Variants in PRAG1 observed in about 807,000 individuals in gnomAD.
PRAG1 encodes PEAK1 related, kinase-activating pseudokinase 1, also known as inactive tyrosine-protein kinase PRAG1.
In PRAG1, 110 loss-of-function variants were observed where a neutral mutation model predicts 95.6. The ratio of observed to expected loss-of-function variants is 1.15; its 90% CI spans 0.99 to 1.35. The LOEUF is 1.35. Ranked by LOEUF, PRAG1 falls within the 40% of genes most tolerant of loss-of-function variation. PRAG1 has a pLI of 0.00. For missense variants in PRAG1, 2,554 were observed against 1,864.7 expected (o/e 1.37, Z -6.81); for synonymous variants, 1,052 against 819.4 (o/e 1.28, Z -4.85).
intron 3 of PRAG1, among the ~76,000 whole-genome samples, chr8:8,348,073 C>T (rs927912969): frequency 4.6e-5 from 7 of 152,210 alleles, no homozygotes; most frequent in African/African-American, 1.4e-4. Context: ...CATGCCACCA[C>T]ACCCGGTTAA....
chr8:8,349,134 CA>C (rs920272913), intron 3 of PRAG1, among the ~76,000 whole-genome samples: 1 of 152,138 alleles, frequency 6.6e-6, no homozygotes, highest in African/African-American at 2.4e-5. Flanking sequence ...GCCATTAGTA[CA>C]AAATACACCT....
intron 4 of PRAG1, among the ~76,000 whole-genome samples, chr8:8,329,082 A>T (rs1798739596): frequency 2.0e-5 from 3 of 152,172 alleles, no homozygotes; most frequent in Admixed American, 1.3e-4. Flanking sequence ...TAGAGGGTGT[A>T]ACTGGCCAAT....
Position 8,377,452 on chromosome 8 carries a change from G to T in PRAG1, c.957C>A (p.His319Gln). ...GTTTCTTGGGGCCCAGGCAGGATGG[G>T]TGGGCAGTGGGGCCCTGGCTACAGC... Reference protein sequence around the residue: ...KECCSQGPTAHPSCLGPKKLS... With the variant: ...KECCSQGPTAQPSCLGPKKLS... Residue 319 changes from histidine (H) to glutamine (Q), a missense_variant, in exon 3 of 6, where the codon CAC (histidine) becomes CAA (glutamine). Physicochemically the swap from His to Gln is conservative, Grantham distance 24 (BLOSUM62 0). Coordinates refer to ENST00000615670, the MANE Select transcript of PRAG1 (RefSeq NM_001080826.3). 1 of 1,552,202 alleles carries T rather than the reference G, an allele frequency of 6.4e-7. No individual in the cohort carries two copies. The highest frequency in any genetic ancestry group is 8.7e-7 in the Non-Finnish European group (1 of 1,150,226).
chr8:8,386,271 G>T (rs1243110341), intron 1 of PRAG1, 50 bp downstream of exon 1: 1 of 152,136 alleles, frequency 6.6e-6, no homozygotes, highest in African/African-American at 2.4e-5. Flanking sequence ...CTGCGACCAC[G>T]CTCGCCAGAC....
In PRAG1 at chr8:8,342,351, A is replaced by G. The variant is rs1270113721; in HGVS notation, c.2163-2716T>C. 2.0e-5 allele frequency among the ~76,000 whole-genome samples: 3 copies of G among 151,090 alleles called. No individual in the cohort carries two copies. In the East Asian group the frequency reaches 6.0e-4, roughly 30 times the overall value. On this transcript the variant is annotated intron_variant, in intron 3 of 5. Coordinates refer to ENST00000615670, the MANE Select transcript of PRAG1 (RefSeq NM_001080826.3). Reference sequence around the variant, plus strand: ...GGGACTACAGGAGGCGCCCACCACCACGCCCCGCTAATTTTTTTGTATTTT... The same window carrying G: ...GGGACTACAGGAGGCGCCCACCACCGCGCCCCGCTAATTTTTTTGTATTTT...
intron 3 of PRAG1, among the ~76,000 whole-genome samples, chr8:8,369,201 T>C (rs909894174): frequency 7.9e-5 from 12 of 152,168 alleles, no homozygotes; most frequent in African/African-American, 2.9e-4. Flanking sequence ...TTTTTTTTTT[T>C]TTTAAGAAAA....
At chr8:8,374,026 T>A (rs1254195637) in intron 3 of PRAG1, among the ~76,000 whole-genome samples, 2 of 152,184 alleles carry the variant, frequency 1.3e-5, no homozygotes. Context: ...GTTCCTGGGA[T>A]TGAGCCATGC....
At chr8:8,322,283 C>T (rs886066742) in intron 5 of PRAG1, among the ~76,000 whole-genome samples, 9 of 152,162 alleles carry the variant, frequency 5.9e-5, no homozygotes, top group South Asian at 2.1e-4. Context: ...CGGGTTCAAG[C>T]GATTCTTCTG....
chr8:8,320,124 A>G (rs909716341), intron 5 of PRAG1, among the ~76,000 whole-genome samples: 1 of 152,218 alleles, frequency 6.6e-6, no homozygotes, highest in Non-Finnish European at 1.5e-5. Context: ...TATTGGTAGG[A>G]AGACATCCCT....
At position 8,328,361 on chromosome 8, in the gene PRAG1, A is replaced by C. The variant is rs1471069050; in HGVS notation, c.2421T>G (p.Ser807Arg). The C allele has an allele frequency of 6.2e-7, 1 of 1,613,076 alleles. No homozygotes were observed. Among genetic ancestry groups the C allele is most frequent in the African/African-American group, 1.3e-5 (1 of 74,774 alleles). ...GGAGTGGAGGGGGCTGCTGGGGGCC[A>C]CTGGGGGACACGTCCTCAGTGGAGC... ...PSGSTEDVSP[S>R]GPQQPPPLPQ... The change falls in exon 5 of 6, where the codon AGT becomes AGG. Residue 807 changes from serine (S) to arginine (R), a missense_variant. By Grantham distance (110) the Ser-to-Arg change is moderately radical. Transcript: ENST00000615670.
intron 3 of PRAG1, among the ~76,000 whole-genome samples, chr8:8,352,799 G>T (rs1269865601): frequency 6.6e-6 from 1 of 152,060 alleles, no homozygotes; most frequent in Non-Finnish European, 1.5e-5. Context: ...TTTGAATAAA[G>T]ATTTTGTACT....
rs1184642528 is a variant in PRAG1 at position 8,339,530 on chromosome 8, G to A, written c.2268C>T (p.Thr756=). ...PSFRGVHVSF[T]TGSTDSLASD... ...AGGCCAGGCTGTCCGTGGAGCCGGT[G>A]GTGAAGCTGACGTGGACACCCCTGA... is the stretch of plus-strand genomic sequence containing the variant. Residue 756 remains threonine (T), a synonymous_variant, in exon 4 of 6, where the codon ACC becomes ACT. Coordinates refer to ENST00000615670, the MANE Select transcript of PRAG1 (RefSeq NM_001080826.3). 6.2e-7 allele frequency: 1 copy of A among 1,614,186 alleles called. No homozygotes were observed. Among genetic ancestry groups the A allele is most frequent in the Admixed American group, 1.7e-5 (1 of 60,030 alleles).
chr8:8,325,632 G>A (rs950321247), intron 5 of PRAG1, among the ~76,000 whole-genome samples: 7 of 152,090 alleles, frequency 4.6e-5, no homozygotes, highest in African/African-American at 1.7e-4. Context: ...AAACTGTGGC[G>A]GGGCACGGTG....
chr8:8,360,014 G>T (rs966501681), intron 3 of PRAG1, among the ~76,000 whole-genome samples: 6 of 152,086 alleles, frequency 3.9e-5, no homozygotes, highest in African/African-American at 1.4e-4. Flanking sequence ...TGAGGAACGA[G>T]CTAAATCAGC....
At chr8:8,344,209 T>C (rs1017495998) in intron 3 of PRAG1, among the ~76,000 whole-genome samples, 2 of 152,132 alleles carry the variant, frequency 1.3e-5, no homozygotes, top group African/African-American at 4.8e-5. Flanking sequence ...AAATAGCAAA[T>C]AACCTTCTAA....
chr8:8,364,853 T>C (rs1290565845), intron 3 of PRAG1, among the ~76,000 whole-genome samples: 2 of 152,196 alleles, frequency 1.3e-5, no homozygotes, highest in African/African-American at 2.4e-5. Flanking sequence ...CTATTCTACA[T>C]GCAAAGTACT....
Position 8,376,580 on chromosome 8 carries a change from G to A in PRAG1, c.1829C>T (p.Ser610Phe). 6.2e-7 allele frequency: 1 copy of A among 1,607,104 alleles called. No individual in the cohort carries two copies. Among genetic ancestry groups the A allele is most frequent in the South Asian group, 1.1e-5 (1 of 90,262 alleles). The change falls in exon 3 of 6, where the codon TCC becomes TTC. Residue 610 changes from serine (S) to phenylalanine (F), a missense_variant. By Grantham distance (155) the Ser-to-Phe change is radical. Transcript: ENST00000615670. ...CGAGGCGGCAGGCTGGGGACACCTG[G>A]ATGGGTCACTGATAGCGACACCGTT... is the stretch of plus-strand genomic sequence containing the variant. ...RTNGVAISDP[S>F]RCPQPAASSA...
chr8:8,374,571 G>T, intron 3 of PRAG1: 2 of 819,260 alleles, frequency 2.4e-6, no homozygotes, highest in Non-Finnish European at 2.9e-6. Flanking sequence ...CTGTTCTGAG[G>T]ATGAAATGAG....
chr8:8,367,788 C>T (rs552613662), intron 3 of PRAG1, among the ~76,000 whole-genome samples: 4 of 152,056 alleles, frequency 2.6e-5, no homozygotes, highest in East Asian at 2.0e-4. Context: ...ATTACAGGTG[C>T]GTGCCACCAT....
Sources: gnomAD v4.1 joint callset for allele counts (sites outside exome capture counted in the v4.1 genomes callset) on GRCh38, gnomAD v4.1.1 for gene constraint, MANE v1.5 for transcripts, NCBI Gene and HGNC (gene_info 2026-07-23, HGNC 2026-07-21) for gene names.